The following KCMF1 variants were observed in gnomAD, a reference collection of about 807,000 sequenced individuals.
KCMF1 encodes the protein potassium channel modulatory factor 1.
KCMF1 carries 3 observed loss-of-function variants against 41.1 expected under a neutral mutation model. That is an observed-to-expected ratio of 0.07 (90% CI 0.03 to 0.19). The LOEUF (loss-of-function observed/expected upper bound fraction) is 0.19. Ranked by LOEUF, KCMF1 falls within the 10% of genes least tolerant of loss-of-function variation. The pLI, the probability that KCMF1 is intolerant of heterozygous loss-of-function variation, is 1.00. For synonymous variants in KCMF1, 142 were observed against 164.5 expected (o/e 0.86, Z 1.04); for missense variants, 286 against 488.9 (o/e 0.58, Z 3.91).
At chr2:84,995,525 G>A (rs933696310) in intron 1 of KCMF1, among the ~76,000 whole-genome samples, 5 of 152,196 alleles carry the variant, frequency 3.3e-5, no homozygotes, top group African/African-American at 1.2e-4. Flanking sequence ...GGGTTCAGAT[G>A]TCAGGCTGTT....
intron 1 of KCMF1, among the ~76,000 whole-genome samples, chr2:84,975,385 C>T (rs999232952): frequency 7.2e-5 from 11 of 152,128 alleles, no homozygotes; most frequent in Non-Finnish European, 1.6e-4. Flanking sequence ...GGGATTCCGT[C>T]ATTTTCTTTG....
At chr2:85,002,224 GC>G (rs1674353070) in intron 1 of KCMF1, among the ~76,000 whole-genome samples, 1 of 152,014 alleles carries the variant, frequency 6.6e-6, no homozygotes, top group African/African-American at 2.4e-5. Context: ...AATATTAATG[GC>G]CCTACTAAAT....
At chr2:85,024,382 A>G (rs1574030980) in intron 1 of KCMF1, among the ~76,000 whole-genome samples, 2 of 152,290 alleles carry the variant, frequency 1.3e-5, no homozygotes, top group African/African-American at 4.8e-5. Context: ...CTGAGGCAGG[A>G]GAATTGCTTG....
At chr2:85,042,884 T>C (rs1351591947) in intron 3 of KCMF1, among the ~76,000 whole-genome samples, 2 of 152,182 alleles carry the variant, frequency 1.3e-5, no homozygotes, top group Admixed American at 1.3e-4. Context: ...ATTTTATTCC[T>C]ACTTTCTCCC....
At chr2:85,032,369 T>TTTTTA (rs562152277) in intron 2 of KCMF1, among the ~76,000 whole-genome samples, 30 of 150,114 alleles carry the variant, frequency 2.0e-4, no homozygotes, top group Admixed American at 7.3e-4. Context: ...TTTTATTTTA[T>TTTTTA]TTTTATTTTA....
rs1325088179 is a variant in KCMF1, at chr2:85,059,333, T to C, written c.*5924T>C. 1.3e-5 allele frequency: 2 copies of C among 152,220 alleles called. No homozygotes were observed. Among genetic ancestry groups the C allele is most frequent in the Admixed American group, 1.3e-4 (2 of 15,284 alleles). 9.4% of individuals were successfully genotyped at this position (152,220 alleles called of 1,614,324 possible). A position where few individuals can be genotyped will look rare whatever the true frequency, so the allele number is the denominator to read the frequency against. On this transcript the variant is annotated 3_prime_UTR_variant, in exon 7 of 7. Transcript: ENST00000409785. ...GGAAAATATCACACTGACGATACAGTACTTTAGAATAAATTGCATATTGTA... is the reference window on the plus strand; with the variant it reads ...GGAAAATATCACACTGACGATACAGCACTTTAGAATAAATTGCATATTGTA...
At chr2:84,979,505 A>G (rs898111672) in intron 1 of KCMF1, among the ~76,000 whole-genome samples, 6 of 142,294 alleles carry the variant, frequency 4.2e-5, no homozygotes, top group African/African-American at 1.6e-4. Flanking sequence ...CCTGAGCAAC[A>G]AGAGCGAAAT....
At chr2:84,982,389 C>CT (rs34687477) in intron 1 of KCMF1, among the ~76,000 whole-genome samples, 1,443 of 47,174 alleles carry the variant, frequency 0.031, 182 homozygotes, top group Non-Finnish European at 0.036. Flanking sequence ...TCCTTATTTT[C>CT]TTTTTTTTTT....
chr2:85,006,470 T>C (rs969485223), intron 1 of KCMF1, among the ~76,000 whole-genome samples: 1 of 151,698 alleles, frequency 6.6e-6, no homozygotes, highest in Admixed American at 6.6e-5. Context: ...CCGGCTAATT[T>C]TTTGTATTTT....
rs368858402 is a variant in KCMF1, at chr2:85,017,483, G to T, written c.17-10406G>T. On this transcript the variant is annotated intron_variant, in intron 1 of 6. Coordinates refer to ENST00000409785, the MANE Select transcript of KCMF1 (RefSeq NM_020122.5). Reference sequence around the variant, plus strand: ...TGATACACACCGTTTTTTAAAAAAAGTCACACTTGGAGAGATGCAAGGGCC... The same window carrying T: ...TGATACACACCGTTTTTTAAAAAAATTCACACTTGGAGAGATGCAAGGGCC... 6.6e-5 allele frequency among the ~76,000 whole-genome samples: 10 copies of T among 152,074 alleles called. No homozygotes were observed. The East Asian group carries it at 1.2e-3, about 18-fold the overall frequency.
chr2:84,972,912 C>T (rs1334706245), intron 1 of KCMF1, among the ~76,000 whole-genome samples: 1 of 152,096 alleles, frequency 6.6e-6, no homozygotes, highest in African/African-American at 2.4e-5. Context: ...AATGAGGTAC[C>T]TAGCCTCATT....
intron 1 of KCMF1, among the ~76,000 whole-genome samples, chr2:84,993,548 A>ATTTATTTAT (rs1674097617): frequency 2.1e-5 from 3 of 146,020 alleles, no homozygotes; most frequent in South Asian, 2.2e-4. Flanking sequence ...CTCTACCCCC[A>ATTTATTTAT]TTATTTATTT....
At chr2:85,046,409 C>G in intron 5 of KCMF1, 131 bp downstream of exon 5, 1 of 612,296 alleles carries the variant, frequency 1.6e-6, no homozygotes, top group Non-Finnish European at 2.8e-6. Flanking sequence ...GCGGGTGGAT[C>G]ACTTGAGGCC....
At chr2:85,038,868 A>G (rs950273835) in intron 3 of KCMF1, among the ~76,000 whole-genome samples, 1 of 152,170 alleles carries the variant, frequency 6.6e-6, no homozygotes, top group African/African-American at 2.4e-5. Flanking sequence ...TTGAAGAAAT[A>G]ATGAAAAATA....
intron 1 of KCMF1, among the ~76,000 whole-genome samples, chr2:85,020,699 A>G (rs1674910408): frequency 6.6e-6 from 1 of 152,158 alleles, no homozygotes; most frequent in Non-Finnish European, 1.5e-5. Flanking sequence ...AAGTGTTCGT[A>G]TTGATTACAG....
intron 1 of KCMF1, among the ~76,000 whole-genome samples, chr2:85,010,774 T>G (rs1363842684): frequency 6.6e-6 from 1 of 152,226 alleles, no homozygotes; most frequent in African/African-American, 2.4e-5. Flanking sequence ...TTCCTTCTTC[T>G]GATTTATTTA....
Position 85,046,078 on chromosome 2 carries a change from C to A in KCMF1, c.427-26C>A, listed in dbSNP as rs370005866. The A allele has an allele frequency of 5.1e-5, 80 of 1,575,966 alleles. No individual in the cohort carries two copies. In the African/African-American group the frequency reaches 9.7e-4, roughly 19 times the overall value. Reference sequence around the variant, plus strand: ...TTTTTTTCTTTCTGTGAAATACTTTCGTTTTTTTCTTAACTTTTGGGTTAT... The same window carrying A: ...TTTTTTTCTTTCTGTGAAATACTTTAGTTTTTTTCTTAACTTTTGGGTTAT... On this transcript the variant is annotated intron_variant, in intron 4 of 6. Coordinates refer to ENST00000409785, the MANE Select transcript of KCMF1 (RefSeq NM_020122.5).
At chr2:85,041,451 CT>C (rs1456491298) in intron 3 of KCMF1, among the ~76,000 whole-genome samples, 1 of 152,144 alleles carries the variant, frequency 6.6e-6, no homozygotes, top group Non-Finnish European at 1.5e-5. Context: ...CTTGTGGAGA[CT>C]TTTCTCATCT....
intron 3 of KCMF1, among the ~76,000 whole-genome samples, chr2:85,039,226 A>G (rs770491487): frequency 6.2e-4 from 94 of 152,350 alleles, no homozygotes; most frequent in Non-Finnish European, 8.2e-4. Flanking sequence ...TAACTTTACC[A>G]ACTTACCTGG....
Sources: gnomAD v4.1 joint callset for allele counts (sites outside exome capture counted in the v4.1 genomes callset) on GRCh38, gnomAD v4.1.1 for gene constraint, MANE v1.5 for transcripts, NCBI Gene and HGNC (gene_info 2026-07-23, HGNC 2026-07-21) for gene names.